PHF11: variants seen among roughly 807,000 people sequenced by gnomAD.
PHF11 encodes the protein BRCA1 C-terminus-associated protein.
Under a neutral mutation model 40.5 loss-of-function variants are expected in PHF11, and 38 were observed. That is an observed-to-expected ratio of 0.94 (90% CI 0.72 to 1.23). PHF11 has a LOEUF of 1.23. PHF11 is among the 50% of genes most tolerant of loss of function. PHF11 has a pLI of 0.00. For synonymous variants in PHF11, 127 were observed against 138.2 expected (o/e 0.92, Z 0.57); for missense variants, 369 against 392.4 (o/e 0.94, Z 0.50).
At chr13:49,519,227 ACTT>A (rs1026852309) in intron 4 of PHF11, among the ~76,000 whole-genome samples, 7 of 152,162 alleles carry the variant, frequency 4.6e-5, no homozygotes, top group African/African-American at 4.8e-5. Flanking sequence ...TTCGTACTGC[ACTT>A]CTTTTTATAT....
chr13:49,512,925 C>T (rs146760046), intron 2 of PHF11, 134 bp from the exon 3 acceptor site: 3 of 590,748 alleles, frequency 5.1e-6, no homozygotes, highest in Non-Finnish European at 9.1e-6. Flanking sequence ...TCATCCACCC[C>T]CAAAGTTGCC....
At chr13:49,524,031 T>G in intron 7 of PHF11, 54 bp from the exon 8 acceptor site, 1 of 1,502,834 alleles carries the variant, frequency 6.7e-7, no homozygotes, top group Non-Finnish European at 9.1e-7. Context: ...TAAAGTAATT[T>G]ATGATTAGCT....
intron 1 of PHF11, among the ~76,000 whole-genome samples, chr13:49,496,830 C>CTTT (rs34505707): frequency 0.027 from 2,396 of 87,984 alleles, 172 homozygotes; most frequent in African/African-American, 0.097. Flanking sequence ...TGGGCTTACC[C>CTTT]TTTTTTTTTT....
intron 2 of PHF11, among the ~76,000 whole-genome samples, chr13:49,510,909 A>C (rs1959073615): frequency 1.3e-5 from 2 of 152,250 alleles, no homozygotes; most frequent in Admixed American, 1.3e-4. Flanking sequence ...AGACATGTTG[A>C]GACCCATGCA....
At chr13:49,509,214 A>AT (rs11423473) in intron 2 of PHF11, among the ~76,000 whole-genome samples, 19,098 of 143,854 alleles carry the variant, frequency 0.13, 1,593 homozygotes, top group East Asian at 0.4. Context: ...CTTTAGTATG[A>AT]TTTTTTTTTT....
chr13:49,512,841 T>G (rs1959096719), intron 2 of PHF11, among the ~76,000 whole-genome samples: 1 of 152,054 alleles, frequency 6.6e-6, no homozygotes, highest in African/African-American at 2.4e-5. Context: ...TTATTAGAGG[T>G]CAGGATTACA....
At chr13:49,506,614 C>A in intron 1 of PHF11, 21 bp from the exon 2 acceptor site, 1 of 1,611,972 alleles carries the variant, frequency 6.2e-7, no homozygotes, top group Non-Finnish European at 8.5e-7. Context: ...TTCCATTTCT[C>A]ACCAGGGATA....
rs1371503724 is a variant in PHF11 at position 49,526,386 on chromosome 13, G to C, written c.770-1G>C. The C allele has an allele frequency of 1.9e-6, 3 of 1,600,514 alleles. No homozygotes were observed. The highest frequency in any genetic ancestry group is 2.6e-6 in the Non-Finnish European group (3 of 1,167,882). ...TATTGAAAATGTTTCTCTCCCTCCA[G>C]ACTATGAAGAAATCGGGAGTGCACT... On this transcript the variant is annotated splice_acceptor_variant, in intron 8 of 9. Transcript: ENST00000378319. LOFTEE classifies it high-confidence loss of function.
chr13:49,523,576 T>C (rs143248447), intron 7 of PHF11: 245 of 311,494 alleles, frequency 7.9e-4, no homozygotes, highest in African/African-American at 5.1e-3. Context: ...TTTAAAGAAA[T>C]AGACATTCCA....
intron 2 of PHF11, among the ~76,000 whole-genome samples, chr13:49,507,156 C>T (rs1566188845): frequency 2.0e-5 from 3 of 152,022 alleles, no homozygotes; most frequent in Non-Finnish European, 4.4e-5. Context: ...CTGCCCACCT[C>T]GGCCTCCCAA....
intron 2 of PHF11, among the ~76,000 whole-genome samples, chr13:49,512,473 C>T (rs1030576555): frequency 2.0e-5 from 3 of 152,078 alleles, no homozygotes; most frequent in Non-Finnish European, 2.9e-5. Flanking sequence ...TTTCTCATGC[C>T]CTTTTGTTAT....
chr13:49,501,007 T>TTTG lies in PHF11; in HGVS notation c.94+4914_94+4915insGTT, dbSNP rs1958895411. Among the ~76,000 whole-genome samples the TTTG allele has an allele frequency of 1.6e-5, 2 of 122,490 alleles. 1 individual carries two copies. Among genetic ancestry groups the TTTG allele is most frequent in the Non-Finnish European group, 3.2e-5 (2 of 61,734 alleles). 80.4% of individuals were successfully genotyped at this position (122,490 alleles called of 152,430 possible). On this transcript the variant is annotated intron_variant, in intron 1 of 9. Coordinates refer to ENST00000378319, the MANE Select transcript of PHF11 (RefSeq NM_001040443.3). The stretch of plus-strand genomic sequence containing the variant: ...TGGGAGTCACCAACTTTTGTTTTTT[T>TTTG]TTTTTTTTGGTTTTTTTTTTTCTGA...
chr13:49,508,288 T>TATATAA (rs1959036149), intron 2 of PHF11, among the ~76,000 whole-genome samples: 2 of 147,196 alleles, frequency 1.4e-5, no homozygotes, highest in South Asian at 4.2e-4. Context: ...AATTATATAT[T>TATATAA]ATATAAATAT....
intron 3 of PHF11, 123 bp from the exon 4 acceptor site, chr13:49,517,895 T>C (rs1482862086): frequency 8.3e-6 from 5 of 603,410 alleles, no homozygotes; most frequent in Non-Finnish European, 1.2e-5. Flanking sequence ...GATGGAATCT[T>C]GCTGATGATG....
Position 49,523,240 on chromosome 13 carries a change from A to AC in PHF11, c.636_637insC (p.Asp213ArgfsTer10), listed in dbSNP as rs1182944890. On this transcript the variant is annotated frameshift_variant and splice_region_variant, in exon 7 of 10. Coordinates refer to ENST00000378319, the MANE Select transcript of PHF11 (RefSeq NM_001040443.3). LOFTEE classifies it high-confidence loss of function. ...TGAAAGAAGAGCATGGCAGACACACAGGTTTGCGCTAAGTGTTGTCTGTAA... is the reference window on the plus strand; with the variant it reads ...TGAAAGAAGAGCATGGCAGACACACACGGTTTGCGCTAAGTGTTGTCTGTAA... 1 of 1,601,260 alleles carries AC rather than the reference A, an allele frequency of 6.2e-7. No homozygotes were observed. The highest frequency in any genetic ancestry group is 8.6e-7 in the Non-Finnish European group (1 of 1,168,266).
At chr13:49,528,236 T>A (rs9535254) in intron 9 of PHF11, among the ~76,000 whole-genome samples, 72,340 of 151,980 alleles carry the variant, frequency 0.48, 17,661 homozygotes, top group Middle Eastern at 0.6. Context: ...CTCAAAGATA[T>A]ACAAAGGGAC....
At chr13:49,521,217 C>A (rs773559529) in intron 5 of PHF11, 10 of 1,087,694 alleles carry the variant, frequency 9.2e-6, no homozygotes, top group Non-Finnish European at 1.1e-5. Context: ...TGGGAAAAAG[C>A]CTTGACTTTT....
At chr13:49,504,913 AC>A (rs1330979805) in intron 1 of PHF11, among the ~76,000 whole-genome samples, 1 of 148,510 alleles carries the variant, frequency 6.7e-6, no homozygotes, top group Non-Finnish European at 1.5e-5. Context: ...CTGTGACCTT[AC>A]CCCCAACCCT....
chr13:49,526,379 C>T lies in PHF11; in HGVS notation c.770-8C>T, dbSNP rs2139081655. 1.9e-6 allele frequency: 3 copies of T among 1,585,034 alleles called. No individual in the cohort carries two copies. The highest frequency in any genetic ancestry group is 2.2e-5 in the East Asian group (1 of 44,730). On this transcript the variant is annotated splice_polypyrimidine_tract_variant and splice_region_variant and intron_variant, in intron 8 of 9. Coordinates refer to ENST00000378319, the MANE Select transcript of PHF11 (RefSeq NM_001040443.3). ...TGTTTAATATTGAAAATGTTTCTCTCCCTCCAGACTATGAAGAAATCGGGA... is the reference window on the plus strand; with the variant it reads ...TGTTTAATATTGAAAATGTTTCTCTTCCTCCAGACTATGAAGAAATCGGGA...
Sources: allele counts gnomAD v4.1 joint callset (sites outside exome capture counted in the v4.1 genomes callset), GRCh38; gene constraint gnomAD v4.1.1; transcripts MANE v1.5; gene names NCBI Gene and HGNC (gene_info 2026-07-23, HGNC 2026-07-21).